Variants in AAK1 observed in about 807,000 individuals in gnomAD.
AAK1 encodes AP2 associated kinase 1.
A neutral mutation model predicts 116.0 loss-of-function variants in AAK1; 37 were observed. The ratio of observed to expected loss-of-function variants is 0.32; its 90% CI spans 0.25 to 0.42. AAK1 has a LOEUF of 0.42. AAK1 is among the 10% of genes least tolerant of loss of function. The probability of loss-of-function intolerance (pLI) is 1.00; values close to 1 mark genes in which losing one functional copy is unlikely to be tolerated. For missense variants in AAK1, 919 were observed against 1,170.6 expected (o/e 0.79, Z 3.14); for synonymous variants, 458 against 439.9 (o/e 1.04, Z -0.51).
chr2:69,594,166 T>C (rs778555890), intron 2 of AAK1, among the ~76,000 whole-genome samples: 17 of 152,196 alleles, frequency 1.1e-4, no homozygotes, highest in Non-Finnish European at 2.4e-4. Context: ...GAGGTAGTGG[T>C]ATATCTCTAA....
intron 17 of AAK1, 129 bp downstream of exon 17, chr2:69,495,856 A>G (rs1675717427): frequency 1.4e-6 from 1 of 706,418 alleles, no homozygotes; most frequent in South Asian, 2.1e-5. Flanking sequence ...GTAAAAATAT[A>G]CAACAGCAGC....
chr2:69,581,855 A>T (rs1672560939), intron 2 of AAK1, among the ~76,000 whole-genome samples: 1 of 152,036 alleles, frequency 6.6e-6, no homozygotes, highest in African/African-American at 2.4e-5. Context: ...GGTGGTGCGC[A>T]TCTGTGGTCC....
rs960719882 is a variant in AAK1, at chr2:69,472,509, A to C, written c.*3360T>G. ...ACTAGATGACATTGAGGGGAACAACACTTAATTAGATGTCAAAATTCTGAT... is the reference window on the plus strand; with the variant it reads ...ACTAGATGACATTGAGGGGAACAACCCTTAATTAGATGTCAAAATTCTGAT... On this transcript the variant is annotated 3_prime_UTR_variant, in exon 22 of 22. Transcript: ENST00000409085. The C allele has an allele frequency of 1.5e-6, 1 of 686,798 alleles. No homozygotes were observed. Among genetic ancestry groups the C allele is most frequent in the African/African-American group, 1.9e-5 (1 of 51,326 alleles). The allele number at this position is 686,798 out of a possible 1,614,324, so 42.5% of individuals were successfully genotyped here. A position where few individuals can be genotyped will look rare whatever the true frequency, so the allele number is the denominator to read the frequency against.
chr2:69,502,288 CA>C (rs1442029637), intron 16 of AAK1, among the ~76,000 whole-genome samples: 1 of 152,074 alleles, frequency 6.6e-6, no homozygotes, highest in Non-Finnish European at 1.5e-5. Context: ...GCAAAGGACA[CA>C]AACAATACAA....
intron 10 of AAK1, among the ~76,000 whole-genome samples, chr2:69,521,224 T>C (rs1341674614): frequency 1.3e-5 from 2 of 152,242 alleles, no homozygotes; most frequent in East Asian, 3.8e-4. Flanking sequence ...GCTCTCCTTC[T>C]AGCAGAACTT....
chr2:69,609,484 C>T (rs533631402), intron 2 of AAK1, among the ~76,000 whole-genome samples: 2 of 151,320 alleles, frequency 1.3e-5, no homozygotes, highest in African/African-American at 4.9e-5. Flanking sequence ...GAGTTTGAGA[C>T]CAGCCTGGCC....
rs950475664 is a variant in AAK1 at position 69,643,294 on chromosome 2, A to C, written c.-234-20T>G. On this transcript the variant is annotated intron_variant, in intron 1 of 21. Coordinates refer to ENST00000409085, the MANE Select transcript of AAK1 (RefSeq NM_014911.5). ...TTAAACCTGTGATGACAGAGGAAGA[A>C]AGAGAGGATGAATCAGTAACACGCT... The C allele has an allele frequency of 5.1e-6, 7 of 1,370,070 alleles. No individual in the cohort carries two copies. The highest frequency in any genetic ancestry group is 2.8e-6 in the Non-Finnish European group (3 of 1,069,418). 84.9% of individuals were successfully genotyped at this position (1,370,070 alleles called of 1,614,324 possible).
rs919919287 is a variant in AAK1, at chr2:69,643,675, G to A, written c.-335C>T. 21 of 1,224,226 alleles carry A rather than the reference G, an allele frequency of 1.7e-5. No homozygotes were observed. Among genetic ancestry groups the A allele is most frequent in the Non-Finnish European group, 2.1e-5 (21 of 983,226 alleles). The allele number at this position is 1,224,226 out of a possible 1,614,324, so 75.8% of individuals were successfully genotyped here. On this transcript the variant is annotated 5_prime_UTR_variant, in exon 1 of 22. Transcript: ENST00000409085. The stretch of plus-strand genomic sequence containing the variant: ...CAGAGAAGAGGCGGCGCTGCAGCGA[G>A]AGCCGGGGCCGCGCTCGGCTCCCGC...
At chr2:69,624,874 C>T (rs1035084768) in intron 2 of AAK1, among the ~76,000 whole-genome samples, 1 of 152,056 alleles carries the variant, frequency 6.6e-6, no homozygotes, top group Non-Finnish European at 1.5e-5. Context: ...TAGAACAATG[C>T]CTTACATTGA....
chr2:69,624,496 TATA>T (rs1450968982), intron 2 of AAK1, among the ~76,000 whole-genome samples: 2 of 152,220 alleles, frequency 1.3e-5, no homozygotes, highest in Admixed American at 6.5e-5. Context: ...TGAAGAAGAA[TATA>T]ATATCAAAAT....
intron 11 of AAK1, 112 bp downstream of exon 11, chr2:69,520,722 C>T (rs547747731): frequency 1.6e-6 from 2 of 1,236,612 alleles, no homozygotes; most frequent in South Asian, 3.3e-5. Context: ...ACACTGTTAT[C>T]TCTGTGTGCC....
At chr2:69,503,155 A>C (rs1676042741) in intron 16 of AAK1, among the ~76,000 whole-genome samples, 1 of 152,242 alleles carries the variant, frequency 6.6e-6, no homozygotes, top group African/African-American at 2.4e-5. Flanking sequence ...AAAAATTGAA[A>C]CTTCTATTTA....
chr2:69,460,887 G>C lies in AAK1; in HGVS notation c.*14982C>G, dbSNP rs1384714122. The stretch of plus-strand genomic sequence containing the variant: ...GTGGATTCTTTCAGGGTTCATCAAT[G>C]CATGTGTGGCTCGATGGTTTAGGAA... On this transcript the variant is annotated 3_prime_UTR_variant, in exon 22 of 22. Transcript: ENST00000409085. 1 of 152,192 alleles carries C rather than the reference G, an allele frequency of 6.6e-6. No homozygotes were observed. The highest frequency in any genetic ancestry group is 1.5e-5 in the Non-Finnish European group (1 of 68,034). The allele number at this position is 152,192 out of a possible 1,614,324, so 9.4% of individuals were successfully genotyped here. A position where few individuals can be genotyped will look rare whatever the true frequency, so the allele number is the denominator to read the frequency against.
chr2:69,490,415 C>T (rs2104917807), intron 17 of AAK1, among the ~76,000 whole-genome samples: 1 of 152,154 alleles, frequency 6.6e-6, no homozygotes, highest in Non-Finnish European at 1.5e-5. Flanking sequence ...ACCCAAGTGT[C>T]CATTAACAGA....
intron 10 of AAK1, among the ~76,000 whole-genome samples, chr2:69,522,399 G>A (rs920148801): frequency 7.9e-5 from 12 of 152,316 alleles, no homozygotes; most frequent in South Asian, 2.1e-4. Context: ...CTCTTGTGCC[G>A]GTTGGGGAAG....
At chr2:69,513,260 T>C (rs79741829) in intron 13 of AAK1, among the ~76,000 whole-genome samples, 4,187 of 152,268 alleles carry the variant, frequency 0.027, 87 homozygotes, top group Non-Finnish European at 0.044. Flanking sequence ...CGAAGCGATG[T>C]AGGTTTTCTG....
intron 3 of AAK1, among the ~76,000 whole-genome samples, chr2:69,547,735 T>C (rs1015155186): frequency 1.3e-5 from 2 of 152,180 alleles, no homozygotes; most frequent in East Asian, 1.9e-4. Flanking sequence ...GACCTAGCAA[T>C]TTCACCCAAG....
intron 19 of AAK1, 83 bp from the exon 20 acceptor site, chr2:69,479,144 T>C: frequency 1.0e-6 from 1 of 974,892 alleles, no homozygotes; most frequent in Non-Finnish European, 1.6e-6. Context: ...GATCTTAGCT[T>C]TTAAGTTACT....
At chr2:69,502,561 C>G (rs534979763) in intron 16 of AAK1, among the ~76,000 whole-genome samples, 1 of 152,072 alleles carries the variant, frequency 6.6e-6, no homozygotes, top group Non-Finnish European at 1.5e-5. Flanking sequence ...GCAGAGGTTG[C>G]GGTGAGCCAA....
Sources: gnomAD v4.1 joint callset for allele counts (sites outside exome capture counted in the v4.1 genomes callset) on GRCh38, gnomAD v4.1.1 for gene constraint, MANE v1.5 for transcripts, NCBI Gene and HGNC (gene_info 2026-07-23, HGNC 2026-07-21) for gene names.